Variants in UQCRQ observed in about 807,000 individuals in gnomAD.
The protein encoded by UQCRQ is ubiquinol-cytochrome c reductase complex III subunit VII, also known as cytochrome b-c1 complex subunit 8.
In UQCRQ, 9 loss-of-function variants were observed where a neutral mutation model predicts 7.9. The ratio of observed to expected loss-of-function variants is 1.13; its 90% CI spans 0.68 to 1.98. The LOEUF (loss-of-function observed/expected upper bound fraction) is 1.98, where lower values mean the gene tolerates loss of function less well. Ranked by LOEUF, UQCRQ falls within the 30% of genes most tolerant of loss-of-function variation. UQCRQ has a pLI of 0.00. For synonymous variants in UQCRQ, 50 were observed against 41.9 expected (o/e 1.19, Z -0.75); for missense variants, 112 against 109.7 (o/e 1.02, Z -0.10).
Position 132,866,888 on chromosome 5 carries a change from C to G in UQCRQ, c.7C>G (p.Arg3Gly). The G allele has an allele frequency of 6.2e-7, 1 of 1,613,808 alleles. No individual in the cohort carries two copies. Among genetic ancestry groups the G allele is most frequent in the South Asian group, 1.1e-5 (1 of 91,088 alleles). The change falls in exon 2 of 3, where the codon CGC becomes GGC. Residue 3 changes from arginine to glycine, a missense_variant. Transcript: ENST00000378670. MG[R>G]EFGNLTRMRH... ...CTGCAGGGCCGCCGCCACAATGGGC[C>G]GCGAGTTTGGGAATCTGACGCGGAT... is the stretch of plus-strand genomic sequence containing the variant.
At position 132,866,976 on chromosome 5, in the gene UQCRQ, C is replaced by T. The variant is rs863224260; in HGVS notation, c.95C>T (p.Thr32Ile). The T allele has an allele frequency of 3.1e-6, 5 of 1,614,114 alleles. No homozygotes were observed. Among genetic ancestry groups the T allele is most frequent in the Non-Finnish European group, 4.2e-6 (5 of 1,179,980 alleles). The part of the protein sequence containing the change: ...FEQRAYPHVF[T>I]KGIPNVLRRI... ...CAGCGCGCCTATCCGCACGTCTTCA[C>T]TAAAGGAATCCCCAATGTTCTGCGC... Residue 32 changes from threonine to isoleucine, a missense_variant, in exon 2 of 3, where the codon ACT (threonine) becomes ATT (isoleucine). By Grantham distance (89) the Thr-to-Ile change is moderately conservative. Transcript: ENST00000378670.
rs144955309 is a variant in UQCRQ, at chr5:132,868,464, G to T, written c.*882G>T. Among the ~76,000 whole-genome samples, 797 of 152,322 alleles carry T rather than the reference G, an allele frequency of 5.2e-3. 5 individuals carry two copies. The highest frequency in any genetic ancestry group is 0.018 in the African/African-American group (752 of 41,554). On this transcript the variant is annotated 3_prime_UTR_variant, in exon 3 of 3. Coordinates refer to ENST00000378670, the MANE Select transcript of UQCRQ (RefSeq NM_014402.5). ...CTCTTAAAACTATGCTCTATTGCAGGGGTGTCCAATCTTTTAGCTTCCCTG... is the reference window on the plus strand; with the variant it reads ...CTCTTAAAACTATGCTCTATTGCAGTGGTGTCCAATCTTTTAGCTTCCCTG...
rs201494744 is a variant in UQCRQ, at chr5:132,867,593, C to A, written c.*11C>A. The A allele has an allele frequency of 6.2e-7, 1 of 1,610,576 alleles. No homozygotes were observed. The highest frequency in any genetic ancestry group is 8.5e-7 in the Non-Finnish European group (1 of 1,177,016). On this transcript the variant is annotated 3_prime_UTR_variant, in exon 3 of 3. Transcript: ENST00000378670. ...GAAAATGACAAATGAGCAACGCATC[C>A]GGATGACGGTTCCCTGTCTCTGAAA... is the stretch of plus-strand genomic sequence containing the variant.
At position 132,867,927 on chromosome 5, in the gene UQCRQ, A is replaced by G. The variant is rs531037027; in HGVS notation, c.*345A>G. On this transcript the variant is annotated 3_prime_UTR_variant, in exon 3 of 3. Coordinates refer to ENST00000378670, the MANE Select transcript of UQCRQ (RefSeq NM_014402.5). ...TGCTGGTTCTTGGCCCTCTGCTCCC[A>G]TAGCAACAATAAAGTCTACTAACTA... 12 of 351,804 alleles carry G rather than the reference A, an allele frequency of 3.4e-5. No individual in the cohort carries two copies. Among genetic ancestry groups the G allele is most frequent in the South Asian group, 2.9e-4 (11 of 38,016 alleles). 21.8% of individuals were successfully genotyped at this position (351,804 alleles called of 1,614,324 possible).
At chr5:132,867,327 G>A in intron 2 of UQCRQ, 161 bp from the exon 3 acceptor site, 1 of 727,564 alleles carries the variant, frequency 1.4e-6, no homozygotes, top group Non-Finnish European at 2.4e-6. Flanking sequence ...GAAATGCTTT[G>A]TGTTAAACGT....
Position 132,868,607 on chromosome 5 carries a change from C to T in UQCRQ, c.*1025C>T, listed in dbSNP as rs1759702083. On this transcript the variant is annotated 3_prime_UTR_variant, in exon 3 of 3. Transcript: ENST00000378670. The stretch of plus-strand genomic sequence containing the variant: ...TTTGTTGGGTCGGATTCAAAGCCAT[C>T]CTGGGCTGCTTGCTGCCCAGGACTG... Among the ~76,000 whole-genome samples the T allele has an allele frequency of 6.6e-6, 1 of 152,140 alleles. No individual in the cohort carries two copies.
In UQCRQ at chr5:132,867,710, T is replaced by A; in HGVS notation, c.*128T>A. The A allele has an allele frequency of 1.3e-6, 1 of 782,792 alleles. No individual in the cohort carries two copies. The highest frequency in any genetic ancestry group is 2.2e-6 in the Non-Finnish European group (1 of 457,958). 48.5% of individuals were successfully genotyped at this position (782,792 alleles called of 1,614,324 possible). A position where few individuals can be genotyped will look rare whatever the true frequency, so the allele number is the denominator to read the frequency against. On this transcript the variant is annotated 3_prime_UTR_variant, in exon 3 of 3. Coordinates refer to ENST00000378670, the MANE Select transcript of UQCRQ (RefSeq NM_014402.5). ...GCACTGTTGTGATATTACATTTTTGTGAGTAGAATCCTGTGTGACCACTAA... is the reference window on the plus strand; with the variant it reads ...GCACTGTTGTGATATTACATTTTTGAGAGTAGAATCCTGTGTGACCACTAA...
chr5:132,867,315 G>C, intron 2 of UQCRQ, 173 bp from the exon 3 acceptor site: 1 of 714,928 alleles, frequency 1.4e-6, no homozygotes, highest in Non-Finnish European at 2.4e-6. Flanking sequence ...CTTACCAGTG[G>C]TGAAATGCTT....
rs1359269160 is a variant in UQCRQ at position 132,866,999 on chromosome 5, C to G, written c.118C>G (p.Arg40Gly). 1.9e-6 allele frequency: 3 copies of G among 1,614,056 alleles called. No homozygotes were observed. Among genetic ancestry groups the G allele is most frequent in the Non-Finnish European group, 2.5e-6 (3 of 1,179,952 alleles). The change falls in exon 2 of 3, where the codon CGC (arginine) becomes GGC (glycine). Residue 40 changes from arginine to glycine, a missense_variant. By Grantham distance (125) the Arg-to-Gly change is moderately radical. Coordinates refer to ENST00000378670, the MANE Select transcript of UQCRQ (RefSeq NM_014402.5). ...VFTKGIPNVL[R>G]RIRESFFRVV... Reference sequence around the variant, plus strand: ...CACTAAAGGAATCCCCAATGTTCTGCGCCGCATTCGGGAGTCTTTCTTTCG... The same window carrying G: ...CACTAAAGGAATCCCCAATGTTCTGGGCCGCATTCGGGAGTCTTTCTTTCG...
Position 132,866,723 on chromosome 5 carries a change from G to A in UQCRQ, c.-14+36G>A, listed in dbSNP as rs1759629658. 5 of 952,924 alleles carry A rather than the reference G, an allele frequency of 5.2e-6. No individual in the cohort carries two copies. In the South Asian group the frequency reaches 7.8e-5, roughly 15 times the overall value. The allele number at this position is 952,924 out of a possible 1,614,324, so 59.0% of individuals were successfully genotyped here. A position where few individuals can be genotyped will look rare whatever the true frequency, so the allele number is the denominator to read the frequency against. ...GGGGTCTGGTTGTGCAGTGTTCGTG[G>A]ACCCTGGGAGGCTAGGGGCGCCCCG... On this transcript the variant is annotated intron_variant, in intron 1 of 2. Transcript: ENST00000378670.
Position 132,868,552 on chromosome 5 carries a change from AC to A in UQCRQ, c.*973del, listed in dbSNP as rs538990688. On this transcript the variant is annotated 3_prime_UTR_variant, in exon 3 of 3. Coordinates refer to ENST00000378670, the MANE Select transcript of UQCRQ (RefSeq NM_014402.5). ...TAAGCTTTAAAAAATGGCAAAAAAA[AC>A]CCTCAGCGTTTTAGAAAGTTTACAA... Among the ~76,000 whole-genome samples the A allele has an allele frequency of 3.6e-4, 55 of 152,252 alleles. No individual in the cohort carries two copies. Among genetic ancestry groups the A allele is most frequent in the African/African-American group, 1.3e-3 (52 of 41,548 alleles).
At chr5:132,867,301 A>G in intron 2 of UQCRQ, 187 bp from the exon 3 acceptor site, 1 of 694,816 alleles carries the variant, frequency 1.4e-6, no homozygotes, top group Non-Finnish European at 2.4e-6. Flanking sequence ...ACCTTTATTT[A>G]GTTCTTACCA....
Position 132,867,818 on chromosome 5 carries a change from C to G in UQCRQ, c.*236C>G, listed in dbSNP as rs116229809. 900 of 535,048 alleles carry G rather than the reference C, an allele frequency of 1.7e-3. 10 individuals are homozygous for G. Among genetic ancestry groups the G allele is most frequent in the African/African-American group, 0.016 (844 of 52,602 alleles). The allele number at this position is 535,048 out of a possible 1,614,324, so 33.1% of individuals were successfully genotyped here. On this transcript the variant is annotated 3_prime_UTR_variant, in exon 3 of 3. Coordinates refer to ENST00000378670, the MANE Select transcript of UQCRQ (RefSeq NM_014402.5). ...CGGGTTTTGGTGAAAGAGCAGGGCT[C>G]CCCCTTTGTTCCATTATCTACAAGA...
rs1341458940 is a variant in UQCRQ at position 132,868,380 on chromosome 5, T to G, written c.*798T>G. ...GATGAGGAAATGGGCACAGAGAGAT[T>G]AAGTAATTTGCCAGAAATTATACAG... On this transcript the variant is annotated 3_prime_UTR_variant, in exon 3 of 3. Coordinates refer to ENST00000378670, the MANE Select transcript of UQCRQ (RefSeq NM_014402.5). 1.3e-5 allele frequency among the ~76,000 whole-genome samples: 2 copies of G among 152,204 alleles called. No homozygotes were observed. The highest frequency in any genetic ancestry group is 2.9e-5 in the Non-Finnish European group (2 of 68,034).
intron 2 of UQCRQ, 77 bp from the exon 3 acceptor site, chr5:132,867,406 GAAGAC>G (rs1759661770): frequency 1.8e-6 from 2 of 1,089,628 alleles, no homozygotes; most frequent in African/African-American, 1.6e-5. Context: ...ATGCTTTAAA[GAAGAC>G]AAGAGGACTG....
In UQCRQ at chr5:132,867,702, C is replaced by A. The variant is rs1759674882; in HGVS notation, c.*120C>A. 8.5e-6 allele frequency: 7 copies of A among 819,572 alleles called. No individual in the cohort carries two copies. Among genetic ancestry groups the A allele is most frequent in the Non-Finnish European group, 1.4e-5 (7 of 488,912 alleles). The allele number at this position is 819,572 out of a possible 1,614,324, so 50.8% of individuals were successfully genotyped here. A position where few individuals can be genotyped will look rare whatever the true frequency, so the allele number is the denominator to read the frequency against. On this transcript the variant is annotated 3_prime_UTR_variant, in exon 3 of 3. Coordinates refer to ENST00000378670, the MANE Select transcript of UQCRQ (RefSeq NM_014402.5). ...TATGGTCTGCACTGTTGTGATATTA[C>A]ATTTTTGTGAGTAGAATCCTGTGTG...
At position 132,867,945 on chromosome 5, in the gene UQCRQ, A is replaced by T. The variant is rs901066141; in HGVS notation, c.*363A>T. On this transcript the variant is annotated 3_prime_UTR_variant, in exon 3 of 3. Coordinates refer to ENST00000378670, the MANE Select transcript of UQCRQ (RefSeq NM_014402.5). ...TGCTCCCATAGCAACAATAAAGTCT[A>T]CTAACTATATTGTAATTAGTATGTG... 1 of 323,828 alleles carries T rather than the reference A, an allele frequency of 3.1e-6. No individual in the cohort carries two copies. The highest frequency in any genetic ancestry group is 6.0e-6 in the Non-Finnish European group (1 of 167,162). 20.1% of individuals were successfully genotyped at this position (323,828 alleles called of 1,614,324 possible).
In UQCRQ at chr5:132,868,553, C is replaced by A. The variant is rs879668666; in HGVS notation, c.*971C>A. On this transcript the variant is annotated 3_prime_UTR_variant, in exon 3 of 3. Transcript: ENST00000378670. ...AAGCTTTAAAAAATGGCAAAAAAAACCCTCAGCGTTTTAGAAAGTTTACAA... is the reference window on the plus strand; with the variant it reads ...AAGCTTTAAAAAATGGCAAAAAAAAACCTCAGCGTTTTAGAAAGTTTACAA... 3.2e-4 allele frequency among the ~76,000 whole-genome samples: 48 copies of A among 151,944 alleles called. No individual in the cohort carries two copies. Among genetic ancestry groups the A allele is most frequent in the Admixed American group, 8.5e-4 (13 of 15,272 alleles).
chr5:132,867,305 C>G (rs942285265), intron 2 of UQCRQ, 183 bp from the exon 3 acceptor site: 25 of 704,906 alleles, frequency 3.5e-5, no homozygotes, highest in Admixed American at 3.5e-4. Flanking sequence ...TTATTTAGTT[C>G]TTACCAGTGG....
Sources: allele counts gnomAD v4.1 joint callset (sites outside exome capture counted in the v4.1 genomes callset), GRCh38; gene constraint gnomAD v4.1.1; transcripts MANE v1.5; gene names NCBI Gene and HGNC (gene_info 2026-07-23, HGNC 2026-07-21).